Variants in ABCG8 observed in about 807,000 individuals in gnomAD.
ABCG8 encodes ATP binding cassette subfamily G member 8.
A neutral mutation model predicts 71.3 loss-of-function variants in ABCG8; 81 were observed. The observed-to-expected ratio is 1.14, with a 90% confidence interval of 0.95 to 1.37. The LOEUF (loss-of-function observed/expected upper bound fraction) is 1.37, where lower values mean the gene tolerates loss of function less well. Ranked by LOEUF, ABCG8 falls within the 40% of genes most tolerant of loss-of-function variation. ABCG8 has a pLI of 0.00. For synonymous variants in ABCG8, 451 were observed against 354.7 expected (o/e 1.27, Z -3.05); for missense variants, 1,119 against 866.2 (o/e 1.29, Z -3.66).
intron 3 of ABCG8, among the ~76,000 whole-genome samples, chr2:43,848,974 A>G (rs1389193931): frequency 4.2e-5 from 6 of 143,246 alleles, no homozygotes; most frequent in Non-Finnish European, 7.6e-5. Context: ...GTGAGCTGAG[A>G]TTGCACCATT....
At chr2:43,859,280 T>C (rs1157375870) in intron 6 of ABCG8, among the ~76,000 whole-genome samples, 1 of 150,264 alleles carries the variant, frequency 6.7e-6, no homozygotes, top group Non-Finnish European at 1.5e-5. Flanking sequence ...TGTCTGGATA[T>C]AATTCTCACC....
chr2:43,845,373 G>C (rs1668712865), intron 2 of ABCG8, among the ~76,000 whole-genome samples: 1 of 152,068 alleles, frequency 6.6e-6, no homozygotes, highest in Non-Finnish European at 1.5e-5. Flanking sequence ...CCACTTACCA[G>C]CTGTGTGACC....
chr2:43,874,563 A>C (rs563681461), intron 10 of ABCG8, 80 bp downstream of exon 10: 1 of 1,227,346 alleles, frequency 8.1e-7, no homozygotes, highest in African/African-American at 1.5e-5. Flanking sequence ...GCTACAAGGA[A>C]GGCTTTTCTG....
At chr2:43,850,459 T>C (rs991707762) in intron 3 of ABCG8, among the ~76,000 whole-genome samples, 3 of 152,224 alleles carry the variant, frequency 2.0e-5, no homozygotes, top group African/African-American at 7.2e-5. Flanking sequence ...AATCTTTTTT[T>C]AACTTTTATT....
At chr2:43,869,196 A>T (rs1669660842) in intron 6 of ABCG8, among the ~76,000 whole-genome samples, 1 of 145,826 alleles carries the variant, frequency 6.9e-6, no homozygotes, top group African/African-American at 2.5e-5. Flanking sequence ...TCTCACTATC[A>T]TTCTGGACAT....
chr2:43,842,599 T>G (rs1452078292), intron 1 of ABCG8, among the ~76,000 whole-genome samples: 3 of 152,040 alleles, frequency 2.0e-5, no homozygotes, highest in African/African-American at 7.3e-5. Context: ...TCTCTCAATT[T>G]GACAACATAT....
chr2:43,849,008 G>A (rs551797195), intron 3 of ABCG8, among the ~76,000 whole-genome samples: 14 of 105,836 alleles, frequency 1.3e-4, no homozygotes, highest in Admixed American at 3.7e-4. Flanking sequence ...GGCAGCAAGA[G>A]CAAAACACTG....
rs753068508 is a variant in ABCG8, at chr2:43,846,315, C to T, written c.322+4C>T. On this transcript the variant is annotated splice_donor_region_variant and intron_variant, in intron 3 of 12. Coordinates refer to ENST00000272286, the MANE Select transcript of ABCG8 (RefSeq NM_022437.3). ...CTGGCCATCATAGGGAGCTCAGGTACCGGAAAGGCAAATCGCTGGGCAATG... is the reference window on the plus strand; with the variant it reads ...CTGGCCATCATAGGGAGCTCAGGTATCGGAAAGGCAAATCGCTGGGCAATG... The T allele has an allele frequency of 1.2e-6, 2 of 1,614,138 alleles. No individual in the cohort carries two copies. Among genetic ancestry groups the T allele is most frequent in the Non-Finnish European group, 1.7e-6 (2 of 1,180,010 alleles).
chr2:43,861,670 C>T (rs549483625), intron 6 of ABCG8, among the ~76,000 whole-genome samples: 193 of 148,866 alleles, frequency 1.3e-3, no homozygotes, highest in Middle Eastern at 7.9e-3. Context: ...GAACTATCAC[C>T]CTCTGGATAG....
chr2:43,850,140 C>G (rs1040077777), intron 3 of ABCG8, among the ~76,000 whole-genome samples: 8 of 152,160 alleles, frequency 5.3e-5, no homozygotes, highest in African/African-American at 1.9e-4. Context: ...AGGGGAATCT[C>G]TTGAACCTGG....
At position 43,855,334 on chromosome 2, in the gene ABCG8, C is replaced by T. The variant is rs58295851; in HGVS notation, c.964+2466C>T. ...ACTCACTCTCTGGATAGAACTCTCA[C>T]TATCTGGATAGAATTCTCACTCTCT... On this transcript the variant is annotated intron_variant, in intron 6 of 12. Transcript: ENST00000272286. Among the ~76,000 whole-genome samples, 1,292 of 152,284 alleles carry T rather than the reference C, an allele frequency of 8.5e-3. 31 individuals carry two copies. Among genetic ancestry groups the T allele is most frequent in the African/African-American group, 0.03 (1,234 of 41,542 alleles).
chr2:43,856,443 C>CATCTGGATAGAACTCTCACT (rs991480791), intron 6 of ABCG8, among the ~76,000 whole-genome samples: 1 of 150,822 alleles, frequency 6.6e-6, no homozygotes, highest in Non-Finnish European at 1.5e-5. Flanking sequence ...GAATTTTCAC[C>CATCTGGATAGAACTCTCACT]ATCTGGATAG....
chr2:43,867,493 C>G (rs899860065), intron 6 of ABCG8, among the ~76,000 whole-genome samples: 8 of 151,958 alleles, frequency 5.3e-5, no homozygotes, highest in Non-Finnish European at 2.9e-5. Context: ...AATTCTCACC[C>G]TCTGGATAGA....
rs1049884502 is a variant in ABCG8, at chr2:43,879,376, G to T, written c.*1463G>T. The T allele has an allele frequency of 6.6e-6, 1 of 152,198 alleles. No homozygotes were observed. Among genetic ancestry groups the T allele is most frequent in the African/African-American group, 2.4e-5 (1 of 41,452 alleles). 9.4% of individuals were successfully genotyped at this position (152,198 alleles called of 1,614,324 possible). ...ACTAGAGTCTTGCTACTCCAAGTAC[G>T]ATCCCTGGGCCAGCAGAATGGGCAC... is the stretch of plus-strand genomic sequence containing the variant. On this transcript the variant is annotated 3_prime_UTR_variant, in exon 13 of 13. Coordinates refer to ENST00000272286, the MANE Select transcript of ABCG8 (RefSeq NM_022437.3).
Position 43,879,640 on chromosome 2 carries a change from C to G in ABCG8, c.*1727C>G, listed in dbSNP as rs1244518991. 2.0e-5 allele frequency: 3 copies of G among 152,222 alleles called. No individual in the cohort carries two copies. In the East Asian group the frequency reaches 5.8e-4, roughly 29 times the overall value. The allele number at this position is 152,222 out of a possible 1,614,324, so 9.4% of individuals were successfully genotyped here. On this transcript the variant is annotated 3_prime_UTR_variant, in exon 13 of 13. Coordinates refer to ENST00000272286, the MANE Select transcript of ABCG8 (RefSeq NM_022437.3). The stretch of plus-strand genomic sequence containing the variant: ...ATCATGTCCTCCATAGCAAGGGGAT[C>G]TAGACCAGAATCAAGCCTTGGATCT...
chr2:43,878,031 A>G lies in ABCG8; in HGVS notation c.*118A>G. On this transcript the variant is annotated 3_prime_UTR_variant, in exon 13 of 13. Coordinates refer to ENST00000272286, the MANE Select transcript of ABCG8 (RefSeq NM_022437.3). ...ACAATGACCCTACAGATGCTCAGCT[A>G]CATCCGGCCCAGGGTGCTGCAGTGG... is the stretch of plus-strand genomic sequence containing the variant. The G allele has an allele frequency of 6.8e-7, 1 of 1,480,778 alleles. No individual in the cohort carries two copies. The highest frequency in any genetic ancestry group is 9.3e-7 in the Non-Finnish European group (1 of 1,079,718). 91.7% of individuals were successfully genotyped at this position (1,480,778 alleles called of 1,614,324 possible).
At chr2:43,872,754 C>T (rs570550203) in intron 8 of ABCG8, among the ~76,000 whole-genome samples, 10 of 152,210 alleles carry the variant, frequency 6.6e-5, no homozygotes, top group South Asian at 4.1e-4. Context: ...ACCTTCAGTG[C>T]GACACAGAAC....
intron 6 of ABCG8, among the ~76,000 whole-genome samples, chr2:43,866,914 T>C (rs1026836449): frequency 5.6e-4 from 84 of 150,788 alleles, no homozygotes; most frequent in African/African-American, 1.1e-3. Context: ...TATTGCGGCA[T>C]TATTCACAAT....
In ABCG8 at chr2:43,881,353, C is replaced by G. The variant is rs1670126693; in HGVS notation, c.*3440C>G. 6.6e-6 allele frequency: 1 copy of G among 152,230 alleles called. No individual in the cohort carries two copies. Among genetic ancestry groups the G allele is most frequent in the Admixed American group, 6.5e-5 (1 of 15,288 alleles). 9.4% of individuals were successfully genotyped at this position (152,230 alleles called of 1,614,324 possible). A position where few individuals can be genotyped will look rare whatever the true frequency, so the allele number is the denominator to read the frequency against. ...AATGTGGACCCATTGCCCAGAGACT[C>G]TGATCCCATGGGTCTGTTTTGTTTA... On this transcript the variant is annotated 3_prime_UTR_variant, in exon 13 of 13. Transcript: ENST00000272286.
Sources: allele counts gnomAD v4.1 joint callset (sites outside exome capture counted in the v4.1 genomes callset), GRCh38; gene constraint gnomAD v4.1.1; transcripts MANE v1.5; gene names NCBI Gene and HGNC (gene_info 2026-07-23, HGNC 2026-07-21).